The following SAP130 variants were observed in gnomAD, a reference collection of about 807,000 sequenced individuals.
SAP130 encodes the protein histone deacetylase complex subunit SAP130.
In SAP130, 16 loss-of-function variants were observed where a neutral mutation model predicts 103.2. That is an observed-to-expected ratio of 0.16 (90% confidence interval 0.10 to 0.24). The LOEUF (loss-of-function observed/expected upper bound fraction) is 0.24. Ranked by LOEUF, SAP130 falls within the 10% of genes least tolerant of loss-of-function variation. SAP130 has a pLI of 1.00. For synonymous variants in SAP130, 477 were observed against 497.0 expected, an observed-to-expected ratio of 0.96 and a Z score of 0.53; for missense variants, 990 against 1,359.7, an observed-to-expected ratio of 0.73 and a Z score of 4.28.
chr2:128,026,385 G>C (rs1220726793), intron 1 of SAP130, 87 bp from the exon 2 acceptor site: 4 of 893,928 alleles, frequency 4.5e-6, no homozygotes, highest in Non-Finnish European at 7.2e-6. Flanking sequence ...GTACCTATGA[G>C]ATAGTCCCTT....
intron 7 of SAP130, among the ~76,000 whole-genome samples, chr2:128,008,509 T>G (rs1684135181): frequency 1.3e-5 from 2 of 150,872 alleles, no homozygotes; most frequent in Non-Finnish European, 2.9e-5. Flanking sequence ...GGGCTATAGG[T>G]ACATGCCACC....
intron 7 of SAP130, among the ~76,000 whole-genome samples, chr2:128,001,310 C>T (rs1441446168): frequency 6.6e-6 from 1 of 152,076 alleles, no homozygotes; most frequent in Non-Finnish European, 1.5e-5. Flanking sequence ...CCGCTTAAGC[C>T]TGGGAGGCCA....
intron 14 of SAP130, among the ~76,000 whole-genome samples, chr2:127,982,262 T>C (rs779310941): frequency 2.6e-5 from 4 of 152,110 alleles, no homozygotes; most frequent in African/African-American, 9.7e-5. Context: ...ATGTTTATAC[T>C]GTTTATGTGA....
intron 19 of SAP130, 54 bp downstream of exon 19, chr2:127,945,402 G>C: frequency 9.6e-7 from 1 of 1,038,676 alleles, no homozygotes; most frequent in South Asian, 1.3e-5. Flanking sequence ...TCAGCTATCT[G>C]CAGTGTCTTC....
intron 2 of SAP130, among the ~76,000 whole-genome samples, chr2:128,022,094 C>A (rs774645409): frequency 4.6e-5 from 7 of 152,196 alleles, no homozygotes; most frequent in Non-Finnish European, 1.0e-4. Flanking sequence ...TTCATTCACA[C>A]CCCTTTGCAG....
chr2:127,994,724 C>G (rs1683052677), intron 11 of SAP130, among the ~76,000 whole-genome samples: 2 of 152,164 alleles, frequency 1.3e-5, no homozygotes, highest in Non-Finnish European at 2.9e-5. Context: ...TGCCACTGCA[C>G]TCCAGCCTGG....
chr2:127,955,313 T>C lies in SAP130; in HGVS notation c.2095A>G (p.Met699Val), dbSNP rs149149791. 28 of 1,585,284 alleles carry C rather than the reference T, an allele frequency of 1.8e-5. No homozygotes were observed. The highest frequency in any genetic ancestry group is 4.0e-5 in the African/African-American group (3 of 74,366). Residue 699 changes from methionine (M) to valine (V), a missense_variant, in exon 16 of 21, where the codon ATG becomes GTG. Met to Val is a conservative substitution (Grantham distance 21). Around this residue, in one of 6 missense-constraint regions of SAP130, gnomAD observed 349 missense variants for 384.1 expected, o/e 0.91. Transcript: ENST00000643581. The surrounding 1 kb of genome is among the most constrained non-coding windows in gnomAD (Gnocchi z 4.9). Reference protein sequence around the residue: ...AKPKSEIHVSMATPVTVSMET... With the variant: ...AKPKSEIHVSVATPVTVSMET... ...ATGGACACAGTGACCGGAGTGGCCATAGACACGTGGATTTCAGACTTGGGT... is the reference window on the plus strand; with the variant it reads ...ATGGACACAGTGACCGGAGTGGCCACAGACACGTGGATTTCAGACTTGGGT...
At chr2:127,963,008 A>G (rs952047281) in intron 15 of SAP130, among the ~76,000 whole-genome samples, 1 of 49,180 alleles carries the variant, frequency 2.0e-5, no homozygotes, top group South Asian at 7.3e-4. Flanking sequence ...TAAATGTCTG[A>G]AAAAAAAAAG....
At chr2:128,027,201 G>T (rs1375929177) in intron 1 of SAP130, 3 of 1,221,326 alleles carry the variant, frequency 2.5e-6, no homozygotes, top group African/African-American at 3.1e-5. Context: ...CGCGGGGAGG[G>T]ATCGCGGCGG....
intron 18 of SAP130, among the ~76,000 whole-genome samples, chr2:127,946,757 G>A (rs1443927711): frequency 6.6e-6 from 1 of 151,184 alleles, no homozygotes; most frequent in South Asian, 2.1e-4. Flanking sequence ...GGTGGTGGGC[G>A]CCTATAATCC....
chr2:127,996,917 A>G lies in SAP130; in HGVS notation c.1214-426T>C, dbSNP rs1454390243. Among the ~76,000 whole-genome samples the G allele has an allele frequency of 6.6e-6, 1 of 152,188 alleles. No homozygotes were observed. Among genetic ancestry groups the G allele is most frequent in the African/African-American group, 2.4e-5 (1 of 41,442 alleles). On this transcript the variant is annotated intron_variant, in intron 10 of 20. Coordinates refer to ENST00000643581, the MANE Select transcript of SAP130 (RefSeq NM_001330301.2). The surrounding 1 kb of genome is among the most constrained non-coding windows in gnomAD (Gnocchi z 4.3). Reference sequence around the variant, plus strand: ...CACTCACAGACTGGGACCCTGTCTCAAAATAAATAAATAAACACACAATTT... The same window carrying G: ...CACTCACAGACTGGGACCCTGTCTCGAAATAAATAAATAAACACACAATTT...
intron 2 of SAP130, among the ~76,000 whole-genome samples, chr2:128,022,832 G>GT (rs1014374658): frequency 5.4e-4 from 79 of 146,628 alleles, no homozygotes; most frequent in Admixed American, 7.5e-4. Context: ...ATAAGTTCTT[G>GT]TTTTTTTTTT....
chr2:127,944,968 A>C (rs73955682), intron 19 of SAP130, among the ~76,000 whole-genome samples: 3 of 150,758 alleles, frequency 2.0e-5, no homozygotes, highest in African/African-American at 7.3e-5. Flanking sequence ...CTGAATGATG[A>C]TGTGTGTGAC....
chr2:127,972,151 AAGCAC>A (rs1319341798), intron 15 of SAP130, among the ~76,000 whole-genome samples: 1 of 152,192 alleles, frequency 6.6e-6, no homozygotes, highest in African/African-American at 2.4e-5. Context: ...AACTTCTCTG[AAGCAC>A]AGCAAATCCA....
chr2:128,026,317 T>C lies in SAP130; in HGVS notation c.-6-19A>G, dbSNP rs1573873518. 6.6e-7 allele frequency: 1 copy of C among 1,512,194 alleles called. No individual in the cohort carries two copies. Among genetic ancestry groups the C allele is most frequent in the East Asian group, 2.3e-5 (1 of 44,372 alleles). The allele number at this position is 1,512,194 out of a possible 1,614,324, so 93.7% of individuals were successfully genotyped here. A position where few individuals can be genotyped will look rare whatever the true frequency, so the allele number is the denominator to read the frequency against. ...TTTCCACCTGTAGTACATACAGTTA[T>C]ATGGTTATTACTAGATTCTGAGATC... On this transcript the variant is annotated intron_variant, in intron 1 of 20. Transcript: ENST00000643581.
chr2:127,951,506 C>T (rs949340501), intron 16 of SAP130, among the ~76,000 whole-genome samples: 2 of 152,152 alleles, frequency 1.3e-5, no homozygotes, highest in African/African-American at 4.8e-5. Context: ...CAGCCTCCAG[C>T]ACTTCTTAGG....
intron 2 of SAP130, among the ~76,000 whole-genome samples, chr2:128,024,227 C>T (rs1250729172): frequency 6.6e-6 from 1 of 151,936 alleles, no homozygotes; most frequent in African/African-American, 2.4e-5. Flanking sequence ...ACCTGTAATC[C>T]CAGAATTTTG....
intron 14 of SAP130, among the ~76,000 whole-genome samples, chr2:127,984,904 A>G (rs1682262552): frequency 6.6e-6 from 1 of 152,182 alleles, no homozygotes; most frequent in South Asian, 2.1e-4. Context: ...ACACTTTTCA[A>G]ACTCAAAGGT....
chr2:127,950,380 C>A lies in SAP130; in HGVS notation c.2451G>T (p.Val817=). The A allele has an allele frequency of 6.2e-7, 1 of 1,614,190 alleles. No individual in the cohort carries two copies. The highest frequency in any genetic ancestry group is 8.5e-7 in the Non-Finnish European group (1 of 1,180,022). Residue 817 remains valine, a synonymous_variant, in exon 17 of 21, where the codon GTG becomes GTT. Transcript: ENST00000643581. ...TTGCCAGCAATGCAAGAGATGGAGA[C>A]ACAGTGTTGGTAGCCAGTGGAGGAA... ...SAVPPLATNT[V]SPSLALLANN...
Sources: allele counts gnomAD v4.1 joint callset (sites outside exome capture counted in the v4.1 genomes callset), GRCh38; gene constraint gnomAD v4.1.1; regional missense constraint gnomAD v4.1.1; non-coding constraint Gnocchi (gnomAD v3.1); transcripts MANE v1.5; gene names NCBI Gene and HGNC (gene_info 2026-07-23, HGNC 2026-07-21).